The following CPAMD8 variants were observed in gnomAD, a reference collection of about 807,000 sequenced individuals.
CPAMD8 encodes C3 and PZP-like alpha-2-macroglobulin domain-containing protein 8.
CPAMD8 carries 146 observed loss-of-function variants against 224.7 expected under a neutral mutation model. The ratio of observed to expected loss-of-function variants is 0.65; its 90% CI spans 0.57 to 0.75. CPAMD8 has a LOEUF of 0.75. CPAMD8 is among the 30% of genes least tolerant of loss of function. The pLI, the probability that CPAMD8 is intolerant of heterozygous loss-of-function variation, is 0.00. For synonymous variants in CPAMD8, 966 were observed against 1,044.6 expected (o/e 0.92, Z 1.45); for missense variants, 2,301 against 2,537.5 (o/e 0.91, Z 2.00).
chr19:16,930,566 C>T (rs917260789), intron 23 of CPAMD8, among the ~76,000 whole-genome samples: 1 of 152,176 alleles, frequency 6.6e-6, no homozygotes, highest in Non-Finnish European at 1.5e-5. Context: ...TGGCGGGAAT[C>T]AGCTGGGGGC....
At chr19:16,959,786 A>T (rs969079049) in intron 18 of CPAMD8, among the ~76,000 whole-genome samples, 3 of 151,074 alleles carry the variant, frequency 2.0e-5, no homozygotes, top group African/African-American at 7.3e-5. Context: ...TGATCCACCC[A>T]CCTCAGCCTC....
chr19:17,018,540 C>G (rs936698099), intron 3 of CPAMD8, among the ~76,000 whole-genome samples: 2 of 151,984 alleles, frequency 1.3e-5, no homozygotes, highest in Admixed American at 6.6e-5. Context: ...TATGGCTTTA[C>G]ATACAAACAT....
At chr19:16,907,809 G>A (rs1240659466) in intron 29 of CPAMD8, 1 of 152,230 alleles carries the variant, frequency 6.6e-6, no homozygotes, top group Non-Finnish European at 1.5e-5. Flanking sequence ...GTCTCACTAT[G>A]TTGCCCAGGC....
intron 10 of CPAMD8, 147 bp from the exon 11 acceptor site, chr19:16,997,485 G>A (rs572141015): frequency 1.1e-5 from 7 of 647,580 alleles, no homozygotes; most frequent in South Asian, 1.1e-4. Flanking sequence ...CTATGCCACG[G>A]GACCATGCAG....
In CPAMD8 at chr19:16,914,808, G is replaced by T; in HGVS notation, c.3635C>A (p.Thr1212Lys). 1 of 1,607,862 alleles carries T rather than the reference G, an allele frequency of 6.2e-7. No homozygotes were observed. The highest frequency in any genetic ancestry group is 1.1e-5 in the South Asian group (1 of 90,032). Residue 1212 changes from threonine (T) to lysine (K), a missense_variant, in exon 28 of 42, where the codon ACA becomes AAA. Physicochemically the swap from Thr to Lys is moderately conservative, Grantham distance 78. Around this residue, in one of 4 missense-constraint regions of CPAMD8, gnomAD observed 1,709 missense variants for 1,753.2 expected, o/e 0.97. Transcript: ENST00000443236. ...ERDASGSMWL[T>K]AFVLKSFAQA... is the part of the protein sequence containing the mutation. ...TGCGAAGGACTTCAGGACAAAGGCT[G>T]TGAGCCTGAAAGAGGACAGGGTGTC...
chr19:16,938,204 C>T (rs144656641), intron 23 of CPAMD8, among the ~76,000 whole-genome samples, 191 bp downstream of exon 23: 54 of 152,140 alleles, frequency 3.5e-4, no homozygotes, highest in African/African-American at 1.3e-3. Context: ...CATTCATGCC[C>T]CACCCTCACT....
intron 29 of CPAMD8, among the ~76,000 whole-genome samples, chr19:16,908,359 T>C (rs566631570): frequency 2.6e-4 from 2 of 7,816 alleles, no homozygotes; most frequent in African/African-American, 7.5e-4. Context: ...TGAGACCTCA[T>C]CTTAAAAAAA....
At chr19:16,994,090 G>A (rs141299304) in intron 11 of CPAMD8, among the ~76,000 whole-genome samples, 1 of 152,312 alleles carries the variant, frequency 6.6e-6, no homozygotes, top group African/African-American at 2.4e-5. Flanking sequence ...GTGACTGAAT[G>A]AGACCCTGTC....
Position 17,012,867 on chromosome 19 carries a change from T to A in CPAMD8, c.268-1110A>T, listed in dbSNP as rs1308505488. Among the ~76,000 whole-genome samples, 7 of 152,314 alleles carry A rather than the reference T, an allele frequency of 4.6e-5. No homozygotes were observed. The East Asian group carries it at 1.4e-3, about 29-fold the overall frequency. On this transcript the variant is annotated intron_variant, in intron 3 of 41. Coordinates refer to ENST00000443236, the MANE Select transcript of CPAMD8 (RefSeq NM_015692.5). ...CAGATATATCTATCATGTATATGTG[T>A]CTGTGTTTGCCTCACTCTAAAATCG... is the stretch of plus-strand genomic sequence containing the variant.
intron 23 of CPAMD8, among the ~76,000 whole-genome samples, chr19:16,937,734 C>T (rs1025551966): frequency 1.3e-5 from 2 of 149,928 alleles, no homozygotes; most frequent in African/African-American, 4.9e-5. Flanking sequence ...CTCACTGCAA[C>T]CTCCGCCTCC....
chr19:16,955,871 C>T (rs888180238), intron 19 of CPAMD8, among the ~76,000 whole-genome samples: 3 of 151,896 alleles, frequency 2.0e-5, no homozygotes, highest in Admixed American at 1.3e-4. Flanking sequence ...GAGATGGGGC[C>T]TTGCTATGTT....
At chr19:16,900,404 C>A (rs942815713) in intron 36 of CPAMD8, among the ~76,000 whole-genome samples, 1 of 151,958 alleles carries the variant, frequency 6.6e-6, no homozygotes, top group Non-Finnish European at 1.5e-5. Context: ...TTGAGACCAG[C>A]CTGACCAACA....
At position 16,896,297 on chromosome 19, in the gene CPAMD8, TGGA is replaced by T; in HGVS notation, c.5302_5304del (p.Ser1768del). On this transcript the variant is annotated inframe_deletion, in exon 41 of 42. Coordinates refer to ENST00000443236, the MANE Select transcript of CPAMD8 (RefSeq NM_015692.5). ...ACAGAAGCCAGGTCATCCCCGTAGG[TGGA>T]GGACGACGAGGCCGGCAGCCGCTGC... is the stretch of plus-strand genomic sequence containing the variant. 1.2e-6 allele frequency: 2 copies of T among 1,609,972 alleles called. No homozygotes were observed. The highest frequency in any genetic ancestry group is 3.3e-5 in the Admixed American group (2 of 59,788).
At chr19:17,016,144 G>A (rs540015299) in intron 3 of CPAMD8, among the ~76,000 whole-genome samples, 1 of 152,200 alleles carries the variant, frequency 6.6e-6, no homozygotes, top group South Asian at 2.1e-4. Context: ...ACAGGGGACA[G>A]GCTCTCAACT....
chr19:16,973,184 A>C (rs1053358053), intron 17 of CPAMD8, among the ~76,000 whole-genome samples: 1 of 152,096 alleles, frequency 6.6e-6, no homozygotes, highest in Admixed American at 6.6e-5. Context: ...AAGAAAAATA[A>C]GAGATTTTTT....
chr19:16,949,439 A>G (rs1334677316), intron 20 of CPAMD8, among the ~76,000 whole-genome samples: 1 of 152,178 alleles, frequency 6.6e-6, no homozygotes, highest in Middle Eastern at 3.2e-3. Flanking sequence ...CATAATCCAT[A>G]TAAAAAGAAC....
At chr19:16,929,657 A>G (rs1454387690) in intron 23 of CPAMD8, among the ~76,000 whole-genome samples, 1 of 152,166 alleles carries the variant, frequency 6.6e-6, no homozygotes, top group East Asian at 1.9e-4. Flanking sequence ...CCATGATTGC[A>G]CCATTGCATT....
intron 36 of CPAMD8, among the ~76,000 whole-genome samples, chr19:16,900,214 G>A (rs1405354440): frequency 3.3e-5 from 5 of 152,058 alleles, no homozygotes; most frequent in Non-Finnish European, 7.4e-5. Flanking sequence ...AGCTGGTCTC[G>A]GCAGAATGTG....
intron 22 of CPAMD8, among the ~76,000 whole-genome samples, chr19:16,938,877 C>T (rs1357158973): frequency 6.6e-6 from 1 of 152,198 alleles, no homozygotes; most frequent in African/African-American, 2.4e-5. Context: ...GACGAGTCTC[C>T]GTCCCACTGT....
Sources: gnomAD v4.1 joint callset for allele counts (sites outside exome capture counted in the v4.1 genomes callset) on GRCh38, gnomAD v4.1.1 for gene constraint, gnomAD v4.1.1 regional missense constraint, MANE v1.5 for transcripts, NCBI Gene and HGNC (gene_info 2026-07-23, HGNC 2026-07-21) for gene names.